The following ANKFN1 variants were observed in gnomAD, a reference collection of about 807,000 sequenced individuals.
ANKFN1 encodes ankyrin repeat and fibronectin type III domain containing 1, also known as ankyrin repeat and fibronectin type-III domain-containing protein 1.
ANKFN1 carries 74 observed loss-of-function variants against 108.7 expected under a neutral mutation model. The observed-to-expected ratio is 0.68, with a 90% CI of 0.56 to 0.83. The LOEUF (loss-of-function observed/expected upper bound fraction) is 0.83. ANKFN1 is among the 40% of genes least tolerant of loss of function. The probability of loss-of-function intolerance (pLI) is 0.00; values close to 1 mark genes in which losing one functional copy is unlikely to be tolerated. For missense variants in ANKFN1, 1,505 were observed against 1,382.3 expected (o/e 1.09, Z -1.41); for synonymous variants, 547 against 516.2 (o/e 1.06, Z -0.81).
At position 56,144,185 on chromosome 17, in the gene ANKFN1, A is replaced by C. The variant is rs56215887; in HGVS notation, c.289-83732A>C. On this transcript the variant is annotated intron_variant, in intron 4 of 12. Coordinates refer to the ANKFN1 transcript ENST00000635860. ...AAAAAAAAAAAAAAAAAAAAAAAAA[A>C]CAGCCCAAACCAAATGAATGCAGAG... 3.7e-4 allele frequency among the ~76,000 whole-genome samples: 37 copies of C among 99,226 alleles called. 9 individuals carry two copies. Among genetic ancestry groups the C allele is most frequent in the South Asian group, 1.1e-3 (3 of 2,740 alleles). The allele number at this position is 99,226 out of a possible 152,430, so 65.1% of individuals were successfully genotyped here.
intron 15 of ANKFN1, chr17:56,471,532 A>G (rs756937081): frequency 5.3e-5 from 8 of 152,202 alleles, no homozygotes; most frequent in Non-Finnish European, 1.0e-4. Flanking sequence ...ATTGCTGGAA[A>G]TGAGGCAATT....
In ANKFN1 at chr17:56,313,922, C is replaced by A. The variant is rs139462792; in HGVS notation, c.54-12299C>A. 3.1e-3 allele frequency among the ~76,000 whole-genome samples: 469 copies of A among 152,300 alleles called. 6 individuals are homozygous for A. Among genetic ancestry groups the A allele is most frequent in the African/African-American group, 0.011 (453 of 41,566 alleles). On this transcript the variant is annotated intron_variant, in intron 3 of 20. Coordinates refer to ENST00000682825, the MANE Select transcript of ANKFN1 (RefSeq NM_001370326.1). ...AAGTTTCCTTCTGCCACTGTCCAAC[C>A]AAATATCCCACCAACCCAGTACAAC...
At chr17:56,510,257 G>A (rs1317223990) in intron 20 of ANKFN1, among the ~76,000 whole-genome samples, 1 of 152,172 alleles carries the variant, frequency 6.6e-6, no homozygotes, top group Non-Finnish European at 1.5e-5. Context: ...CTTACGCTAA[G>A]ACCAGAGCCC....
intron 10 of ANKFN1, among the ~76,000 whole-genome samples, chr17:56,444,719 A>C (rs1416614048): frequency 6.6e-6 from 1 of 152,192 alleles, no homozygotes; most frequent in Non-Finnish European, 1.5e-5. Context: ...TTTACTGATG[A>C]GGGAACTATA....
At chr17:56,161,017 A>C (rs1909608619) in intron 1 of ANKFN1, among the ~76,000 whole-genome samples, 1 of 152,186 alleles carries the variant, frequency 6.6e-6, no homozygotes, top group Admixed American at 6.5e-5. Context: ...AATACTTGAG[A>C]TGGTGGTGAT....
At chr17:56,233,008 G>GACAAGGTACTATATTTTA (rs1449943391) in intron 3 of ANKFN1, among the ~76,000 whole-genome samples, 1 of 152,034 alleles carries the variant, frequency 6.6e-6, no homozygotes, top group Non-Finnish European at 1.5e-5. Context: ...TACCTTGTCT[G>GACAAGGTACTATATTTTA]TTCCTGACAA....
rs1555588772 is a variant in ANKFN1 at position 56,055,568 on chromosome 17, T to TATATAC, written c.288+9248_288+9249insCATATA. On this transcript the variant is annotated intron_variant, in intron 4 of 12. Transcript: ENST00000635860. ...TATGTGTGTGTGTGGTATATATACA[T>TATATAC]ATATATATATATATATATATGTATA... 7.2e-5 allele frequency among the ~76,000 whole-genome samples: 7 copies of TATATAC among 96,754 alleles called. No homozygotes were observed. In the East Asian group the frequency reaches 1.7e-3, roughly 23 times the overall value. The allele number at this position is 96,754 out of a possible 152,430, so 63.5% of individuals were successfully genotyped here.
intron 1 of ANKFN1, among the ~76,000 whole-genome samples, chr17:56,157,578 C>A (rs1012063190): frequency 1.3e-5 from 2 of 152,216 alleles, no homozygotes; most frequent in African/African-American, 4.8e-5. Context: ...TGGCGTCTTA[C>A]CAGGGACTAT....
At position 56,184,695 on chromosome 17, in the gene ANKFN1, T is replaced by C. The variant is rs556483674; in HGVS notation, c.-70-27903T>C. 5.9e-5 allele frequency: 9 copies of C among 152,266 alleles called. No individual in the cohort carries two copies. In the East Asian group the frequency reaches 1.7e-3, roughly 29 times the overall value. The allele number at this position is 152,266 out of a possible 1,614,324, so 9.4% of individuals were successfully genotyped here. ...GTGCTTCAGTGTCATTTGAGAAAAG[T>C]TTCAAACTTTTTAAATATAAATCAT... is the stretch of plus-strand genomic sequence containing the variant. On this transcript the variant is annotated intron_variant, in intron 1 of 20. Coordinates refer to ENST00000682825, the MANE Select transcript of ANKFN1 (RefSeq NM_001370326.1).
intron 3 of ANKFN1, among the ~76,000 whole-genome samples, chr17:56,275,210 T>C (rs2043895324): frequency 6.6e-6 from 1 of 152,098 alleles, no homozygotes; most frequent in Non-Finnish European, 1.5e-5. Flanking sequence ...GTGAGACAGA[T>C]AAATTAAGAA....
rs75948745 is a variant in ANKFN1, at chr17:56,307,952, A to T, written c.54-18269A>T. On this transcript the variant is annotated intron_variant, in intron 3 of 20. Coordinates refer to ENST00000682825, the MANE Select transcript of ANKFN1 (RefSeq NM_001370326.1). ...AGGGACATGGATGAAGCTGGAATCC[A>T]TCATTCTCAGCAAACTATCGCAAGG... Among the ~76,000 whole-genome samples, 298 of 152,308 alleles carry T rather than the reference A, an allele frequency of 2.0e-3. 14 individuals are homozygous for T. In the East Asian group the frequency reaches 0.052, roughly 27 times the overall value.
At chr17:56,159,884 A>C (rs1002353406) in intron 1 of ANKFN1, among the ~76,000 whole-genome samples, 1 of 151,040 alleles carries the variant, frequency 6.6e-6, no homozygotes, top group African/African-American at 2.4e-5. Context: ...AAATTATAGG[A>C]TATAACCAAG....
intron 1 of ANKFN1, among the ~76,000 whole-genome samples, chr17:56,181,973 A>G (rs902555046): frequency 6.6e-6 from 1 of 152,160 alleles, no homozygotes; most frequent in Non-Finnish European, 1.5e-5. Context: ...ATTTATGATC[A>G]GTGATCTTTG....
At chr17:56,326,528 AGTG>A (rs2144537781) in intron 4 of ANKFN1, among the ~76,000 whole-genome samples, 173 bp downstream of exon 4, 1 of 152,308 alleles carries the variant, frequency 6.6e-6, no homozygotes, top group Admixed American at 6.5e-5. Context: ...ACACACACAC[AGTG>A]GTCTGCAATT....
intron 1 of ANKFN1, among the ~76,000 whole-genome samples, chr17:56,190,105 T>C (rs1373045943): frequency 3.5e-5 from 5 of 144,888 alleles, no homozygotes; most frequent in South Asian, 2.4e-4. Flanking sequence ...TCTCTCTTTT[T>C]TTCTTTATTA....
intron 4 of ANKFN1, among the ~76,000 whole-genome samples, chr17:56,332,979 GTA>G (rs61494269): frequency 3.5e-4 from 51 of 147,806 alleles, no homozygotes; most frequent in African/African-American, 7.6e-4. Flanking sequence ...ATATATGTGT[GTA>G]TATATATATA....
chr17:56,487,909 C>A (rs1326250051), intron 18 of ANKFN1, among the ~76,000 whole-genome samples: 1 of 152,182 alleles, frequency 6.6e-6, no homozygotes, highest in Non-Finnish European at 1.5e-5. Context: ...CAGAGACCTG[C>A]AGCCTGATTA....
chr17:56,304,534 T>A (rs1005702424), intron 3 of ANKFN1, among the ~76,000 whole-genome samples: 2 of 152,216 alleles, frequency 1.3e-5, no homozygotes, highest in African/African-American at 2.4e-5. Flanking sequence ...GGAATATATG[T>A]TAATTACATG....
chr17:56,257,748 G>A (rs979231308), intron 3 of ANKFN1, among the ~76,000 whole-genome samples: 3 of 152,212 alleles, frequency 2.0e-5, no homozygotes, highest in Non-Finnish European at 4.4e-5. Flanking sequence ...ATTAAAGGGT[G>A]TGACACCCTC....
Sources: allele counts gnomAD v4.1 joint callset (sites outside exome capture counted in the v4.1 genomes callset), GRCh38; gene constraint gnomAD v4.1.1; transcripts MANE v1.5; gene names NCBI Gene and HGNC (gene_info 2026-07-23, HGNC 2026-07-21).